The following RPS6KA4 variants were observed in gnomAD, a reference collection of about 807,000 sequenced individuals.
The protein encoded by RPS6KA4 is ribosomal protein S6 kinase alpha-4.
A neutral mutation model predicts 89.6 loss-of-function variants in RPS6KA4; 38 were observed. The ratio of observed to expected loss-of-function variants is 0.42; its 90% CI spans 0.33 to 0.56. The LOEUF is 0.56. RPS6KA4 is among the 20% of genes least tolerant of loss of function. The pLI is 0.07. For missense variants in RPS6KA4, 873 were observed against 1,098.8 expected (o/e 0.79, Z 2.90); for synonymous variants, 495 against 492.8 (o/e 1.00, Z -0.06).
rs1347823982 is a variant in RPS6KA4, at chr11:64,361,442, T to C, written c.571-27T>C. 2.5e-6 allele frequency: 4 copies of C among 1,613,090 alleles called. No homozygotes were observed. The highest frequency in any genetic ancestry group is 1.3e-5 in the African/African-American group (1 of 74,906). On this transcript the variant is annotated intron_variant, in intron 5 of 16. Transcript: ENST00000334205. This position sits in a 1 kb window ranked among gnomAD's most constrained non-coding sequence, Gnocchi z 4.7. ...CTGGGGCACAGGAGAGGTTTCGACA[T>C]CTAAGCAGGACCTCTTGCCCTCCCA...
Position 64,370,770 on chromosome 11 carries a change from C to G in RPS6KA4, c.2121+44C>G, listed in dbSNP as rs115887765. ...TGAAGGGAAGGGGTGGGCGAAGCCT[C>G]GAGAGGTGGGGTCTGGGGAGGCCCG... is the stretch of plus-strand genomic sequence containing the variant. On this transcript the variant is annotated intron_variant, in intron 16 of 16. Transcript: ENST00000334205. This position sits in a 1 kb window ranked among gnomAD's most constrained non-coding sequence, Gnocchi z 4.1. The G allele has an allele frequency of 1.2e-3, 1,841 of 1,476,058 alleles. 24 individuals carry two copies. The African/African-American group carries it at 0.023, about 18-fold the overall frequency. 91.4% of individuals were successfully genotyped at this position (1,476,058 alleles called of 1,614,324 possible).
Position 64,370,763 on chromosome 11 carries a change from G to A in RPS6KA4, c.2121+37G>A, listed in dbSNP as rs773468226. ...GGTCTGTTGAAGGGAAGGGGTGGGC[G>A]AAGCCTCGAGAGGTGGGGTCTGGGG... On this transcript the variant is annotated intron_variant, in intron 16 of 16. Coordinates refer to ENST00000334205, the MANE Select transcript of RPS6KA4 (RefSeq NM_003942.3). The surrounding 1 kb of genome is among the most constrained non-coding windows in gnomAD (Gnocchi z 4.1). The A allele has an allele frequency of 2.0e-6, 3 of 1,483,386 alleles. No homozygotes were observed. Among genetic ancestry groups the A allele is most frequent in the Non-Finnish European group, 2.7e-6 (3 of 1,116,014 alleles). 91.9% of individuals were successfully genotyped at this position (1,483,386 alleles called of 1,614,324 possible).
chr11:64,366,402 CT>C (rs1224371791), intron 9 of RPS6KA4, among the ~76,000 whole-genome samples: 2 of 152,126 alleles, frequency 1.3e-5, no homozygotes, highest in Admixed American at 1.3e-4. Context: ...ATCTCTTGAC[CT>C]TGTGGTCCGC....
In RPS6KA4 at chr11:64,371,856, T is replaced by G; in HGVS notation, c.*376T>G. ...TGGGACCCCCTACCCTGTTCTCCCC[T>G]GAGGCCCCGTTCCTGGGAGGGGCAC... On this transcript the variant is annotated 3_prime_UTR_variant, in exon 17 of 17. Coordinates refer to ENST00000334205, the MANE Select transcript of RPS6KA4 (RefSeq NM_003942.3). The G allele has an allele frequency of 5.9e-6, 1 of 170,370 alleles. No homozygotes were observed. 10.6% of individuals were successfully genotyped at this position (170,370 alleles called of 1,614,324 possible). A position where few individuals can be genotyped will look rare whatever the true frequency, so the allele number is the denominator to read the frequency against.
chr11:64,368,473 G>A lies in RPS6KA4; in HGVS notation c.1206G>A (p.Ser402=), dbSNP rs1248117729. ...GCCTTCGCCTTCGCCTCCAGGACTC[G>A]CCCTTCTTCCAGCAGTACGAGCTGG... The part of the protein sequence containing the change: ...AVARSAMMQD[S]PFFQQYELDL... Residue 402 remains serine, a synonymous_variant, in exon 11 of 17, where the codon TCG becomes TCA. Coordinates refer to ENST00000334205, the MANE Select transcript of RPS6KA4 (RefSeq NM_003942.3). 8.4e-6 allele frequency: 13 copies of A among 1,551,866 alleles called. No homozygotes were observed. The highest frequency in any genetic ancestry group is 1.1e-5 in the Non-Finnish European group (13 of 1,148,584).
Position 64,359,459 on chromosome 11 carries a change from C to G in RPS6KA4, c.127+10C>G. ...GTGCTGGGCACGGGAGGTGAGGACC[C>G]CCATCCACCGGGCAGGCGTCCCAGG... On this transcript the variant is annotated intron_variant, in intron 2 of 16. Coordinates refer to ENST00000334205, the MANE Select transcript of RPS6KA4 (RefSeq NM_003942.3). 6.2e-7 allele frequency: 1 copy of G among 1,613,176 alleles called. No homozygotes were observed. The highest frequency in any genetic ancestry group is 8.5e-7 in the Non-Finnish European group (1 of 1,179,626).
At chr11:64,362,919 C>T (rs1214138811) in intron 8 of RPS6KA4, among the ~76,000 whole-genome samples, 1 of 152,162 alleles carries the variant, frequency 6.6e-6, no homozygotes, top group Non-Finnish European at 1.5e-5. Flanking sequence ...GATCCACCTG[C>T]CTCATCCTCC....
At position 64,369,638 on chromosome 11, in the gene RPS6KA4, C is replaced by T. The variant is rs778096031; in HGVS notation, c.1602+19C>T. ...GCCGGAGGTGGGCGAGCTGCCTCGG[C>T]GGCGGGGCGGAGCGGTGGCGCCGGG... On this transcript the variant is annotated intron_variant, in intron 13 of 16. Coordinates refer to ENST00000334205, the MANE Select transcript of RPS6KA4 (RefSeq NM_003942.3). 4 of 1,600,790 alleles carry T rather than the reference C, an allele frequency of 2.5e-6. No individual in the cohort carries two copies. The highest frequency in any genetic ancestry group is 3.4e-5 in the Admixed American group (2 of 58,962).
intron 9 of RPS6KA4, 97 bp from the exon 10 acceptor site, chr11:64,368,035 C>A: frequency 7.2e-7 from 1 of 1,380,102 alleles, no homozygotes; most frequent in Non-Finnish European, 1.0e-6. Context: ...GCCCCCTTGT[C>A]CAGGGTCTTG....
chr11:64,369,540 AGATCCTGCGCAGCCTCGTGTCGGCCGT>A lies in RPS6KA4; in HGVS notation c.1526_1552del (p.Ile509_Val517del). The A allele has an allele frequency of 6.2e-7, 1 of 1,609,236 alleles. No homozygotes were observed. The highest frequency in any genetic ancestry group is 2.2e-5 in the East Asian group (1 of 44,756). On this transcript the variant is annotated inframe_deletion, in exon 13 of 17. Coordinates refer to ENST00000334205, the MANE Select transcript of RPS6KA4 (RefSeq NM_003942.3). Reference sequence around the variant, plus strand: ...CACTTCAGCGAGTCGGAAGCAAGCCAGATCCTGCGCAGCCTCGTGTCGGCCGTGAGCTTCATGCACGAGGAGGCGGGC... The same window carrying A: ...CACTTCAGCGAGTCGGAAGCAAGCCAGAGCTTCATGCACGAGGAGGCGGGC...
At chr11:64,368,829 GA>G in intron 12 of RPS6KA4, 32 bp downstream of exon 12, 1 of 1,385,448 alleles carries the variant, frequency 7.2e-7, no homozygotes, top group South Asian at 1.2e-5. Context: ...AGGGCGGAGA[GA>G]AAAGGGGCAG....
Position 64,361,426 on chromosome 11 carries a change from A to T in RPS6KA4, c.571-43A>T, listed in dbSNP as rs1377317217. 1 of 1,606,030 alleles carries T rather than the reference A, an allele frequency of 6.2e-7. No homozygotes were observed. Among genetic ancestry groups the T allele is most frequent in the Non-Finnish European group, 8.5e-7 (1 of 1,173,366 alleles). On this transcript the variant is annotated intron_variant, in intron 5 of 16. Coordinates refer to ENST00000334205, the MANE Select transcript of RPS6KA4 (RefSeq NM_003942.3). This position sits in a 1 kb window ranked among gnomAD's most constrained non-coding sequence, Gnocchi z 4.7. Reference sequence around the variant, plus strand: ...TGGGCCTTGTGGGGCACTGGGGCACAGGAGAGGTTTCGACATCTAAGCAGG... The same window carrying T: ...TGGGCCTTGTGGGGCACTGGGGCACTGGAGAGGTTTCGACATCTAAGCAGG...
At chr11:64,362,568 G>A (rs543466718) in intron 8 of RPS6KA4, among the ~76,000 whole-genome samples, 1 of 152,312 alleles carries the variant, frequency 6.6e-6, no homozygotes, top group East Asian at 1.9e-4. Context: ...ACTGACTCAG[G>A]GGCTGGGCCT....
chr11:64,359,590 G>T (rs555872964), intron 2 of RPS6KA4, 141 bp downstream of exon 2: 2 of 851,440 alleles, frequency 2.3e-6, no homozygotes, highest in Admixed American at 2.6e-5. Flanking sequence ...GCCCCGCCCT[G>T]CCTCGCCAGA....
chr11:64,362,270 C>A (rs1008889943), intron 8 of RPS6KA4, among the ~76,000 whole-genome samples: 2 of 152,164 alleles, frequency 1.3e-5, no homozygotes, highest in African/African-American at 4.8e-5. Flanking sequence ...CTGGACAGAC[C>A]CAGAGAAGGC....
chr11:64,367,848 C>CT (rs1478421008), intron 9 of RPS6KA4, among the ~76,000 whole-genome samples: 1 of 152,178 alleles, frequency 6.6e-6, no homozygotes, highest in African/African-American at 2.4e-5. Context: ...TTCATTGGTC[C>CT]TTTCAGTGCC....
chr11:64,360,380 G>A lies in RPS6KA4; in HGVS notation c.345G>A (p.Leu115=), dbSNP rs773484958. ...CGGATGCCAAGCTGCACCTCATCCT[G>A]GGTGAGCGCACACCACATCCCAACG... ...FQTDAKLHLI[L]DYVSGGEMFT... is the part of the protein sequence containing the mutation. Residue 115 remains leucine (L), a splice_region_variant and synonymous_variant, in exon 3 of 17, where the codon CTG becomes CTA. Transcript: ENST00000334205. 8 of 1,551,696 alleles carry A rather than the reference G, an allele frequency of 5.2e-6. No homozygotes were observed. The highest frequency in any genetic ancestry group is 7.0e-6 in the Non-Finnish European group (8 of 1,147,408).
At chr11:64,366,839 T>G (rs1267941160) in intron 9 of RPS6KA4, among the ~76,000 whole-genome samples, 1 of 152,180 alleles carries the variant, frequency 6.6e-6, no homozygotes, top group Non-Finnish European at 1.5e-5. Flanking sequence ...CATAATGATA[T>G]TATATCATTA....
chr11:64,363,486 GTCTTTTCTTTT>G (rs1308366424), intron 8 of RPS6KA4, among the ~76,000 whole-genome samples: 3 of 151,980 alleles, frequency 2.0e-5, no homozygotes, highest in Non-Finnish European at 2.9e-5. Context: ...CCCTCCTTCT[GTCTTTTCTTTT>G]TCTTTTCTTT....
Sources: gnomAD v4.1 joint callset for allele counts (sites outside exome capture counted in the v4.1 genomes callset) on GRCh38, gnomAD v4.1.1 for gene constraint, Gnocchi (gnomAD v3.1) non-coding constraint, MANE v1.5 for transcripts, NCBI Gene and HGNC (gene_info 2026-07-23, HGNC 2026-07-21) for gene names.